Variants in SLC25A13 observed in about 807,000 individuals in gnomAD.
The protein encoded by SLC25A13 is electrogenic aspartate/glutamate antiporter SLC25A13, mitochondrial.
In SLC25A13, 70 loss-of-function variants were observed where a neutral mutation model predicts 85.5. The observed-to-expected ratio is 0.82, with a 90% CI of 0.68 to 1.00. The LOEUF is 1.00. Among genes scored for constraint, SLC25A13 ranks in the 50% least tolerant of loss-of-function variants. The pLI, the probability that SLC25A13 is intolerant of heterozygous loss-of-function variation, is 0.00. For missense variants in SLC25A13, 765 were observed against 819.8 expected, an observed-to-expected ratio of 0.93 and a Z score of 0.82; for synonymous variants, 259 against 288.7, an observed-to-expected ratio of 0.90 and a Z score of 1.04.
At chr7:96,301,016 T>C (rs1190734633) in intron 1 of SLC25A13, among the ~76,000 whole-genome samples, 1 of 152,222 alleles carries the variant, frequency 6.6e-6, no homozygotes, top group Non-Finnish European at 1.5e-5. Flanking sequence ...AAAGTTACCA[T>C]GAGATGTACC....
At chr7:96,228,395 T>C (rs892462344) in intron 4 of SLC25A13, among the ~76,000 whole-genome samples, 1 of 152,128 alleles carries the variant, frequency 6.6e-6, no homozygotes, top group Non-Finnish European at 1.5e-5. Flanking sequence ...AAATGTCATA[T>C]AACCCATTAG....
intron 14 of SLC25A13, among the ~76,000 whole-genome samples, chr7:96,142,080 T>C (rs1034808128): frequency 1.3e-5 from 2 of 152,256 alleles, no homozygotes; most frequent in African/African-American, 4.8e-5. Flanking sequence ...AAGATTCTAT[T>C]TGTGTTAAAA....
chr7:96,229,751 C>G (rs552013651), intron 4 of SLC25A13, among the ~76,000 whole-genome samples: 1 of 152,134 alleles, frequency 6.6e-6, no homozygotes, highest in Non-Finnish European at 1.5e-5. Flanking sequence ...CAGCTTCACT[C>G]CTGAAGCCAG....
intron 5 of SLC25A13, among the ~76,000 whole-genome samples, chr7:96,207,483 G>C (rs1161157728): frequency 6.6e-6 from 1 of 151,988 alleles, no homozygotes; most frequent in Admixed American, 6.6e-5. Context: ...TACCCACTAA[G>C]GACATTTCTA....
chr7:96,262,161 G>GTTA (rs1797877823), intron 3 of SLC25A13, among the ~76,000 whole-genome samples: 1 of 152,094 alleles, frequency 6.6e-6, no homozygotes, highest in Admixed American at 6.6e-5. Context: ...TTCTGACAGT[G>GTTA]GTAAAGAAGC....
chr7:96,142,761 T>TTA (rs1792618652), intron 14 of SLC25A13, among the ~76,000 whole-genome samples: 1 of 152,156 alleles, frequency 6.6e-6, no homozygotes, highest in Admixed American at 6.5e-5. Flanking sequence ...AAATATAAAT[T>TTA]ATATTTTACT....
At chr7:96,271,528 G>T (rs918231701) in intron 3 of SLC25A13, among the ~76,000 whole-genome samples, 11 of 152,172 alleles carry the variant, frequency 7.2e-5, no homozygotes, top group African/African-American at 2.4e-4. Context: ...ATTATGAGAA[G>T]AGGCAGCTCA....
chr7:96,297,723 C>A (rs553745770), intron 1 of SLC25A13, among the ~76,000 whole-genome samples: 2 of 152,298 alleles, frequency 1.3e-5, no homozygotes, highest in African/African-American at 4.8e-5. Flanking sequence ...CATGAACAGG[C>A]ATGTATACCT....
intron 1 of SLC25A13, among the ~76,000 whole-genome samples, chr7:96,317,096 G>C (rs574876498): frequency 6.6e-6 from 1 of 151,988 alleles, no homozygotes; most frequent in South Asian, 2.1e-4. Flanking sequence ...TCAGCCTCCC[G>C]AGCAGCTGAG....
intron 5 of SLC25A13, among the ~76,000 whole-genome samples, chr7:96,202,052 AAAG>A (rs1484342512): frequency 6.6e-6 from 1 of 152,138 alleles, no homozygotes; most frequent in Non-Finnish European, 1.5e-5. Flanking sequence ...GTTACACAGA[AAAG>A]AAGTAGGCTG....
intron 2 of SLC25A13, chr7:96,283,409 CT>C (rs1798760582): frequency 1.2e-5 from 5 of 405,288 alleles, no homozygotes; most frequent in South Asian, 2.1e-5. Context: ...TTCTGTAGGC[CT>C]TTTAGAAAAC....
intron 1 of SLC25A13, among the ~76,000 whole-genome samples, chr7:96,312,366 G>C (rs146597675): frequency 1.3e-5 from 2 of 152,258 alleles, no homozygotes; most frequent in East Asian, 3.9e-4. Flanking sequence ...TTGGAACAGT[G>C]TCCGGCTTTT....
chr7:96,191,426 T>A (rs1236821595), intron 6 of SLC25A13, among the ~76,000 whole-genome samples, 179 bp from the exon 7 acceptor site: 8 of 152,178 alleles, frequency 5.3e-5, no homozygotes, highest in Non-Finnish European at 5.9e-5. Flanking sequence ...TAGAAGCAAC[T>A]GCAACTAATC....
intron 13 of SLC25A13, among the ~76,000 whole-genome samples, chr7:96,154,286 CTGAG>C (rs1793165433): frequency 6.7e-6 from 1 of 149,034 alleles, no homozygotes; most frequent in South Asian, 2.1e-4. Flanking sequence ...CACAGAGTCA[CTGAG>C]TGTCTTTTTT....
At chr7:96,172,871 G>T (rs1282379901) in intron 11 of SLC25A13, among the ~76,000 whole-genome samples, 2 of 151,944 alleles carry the variant, frequency 1.3e-5, no homozygotes, top group Non-Finnish European at 2.9e-5. Flanking sequence ...CCATTCTCCT[G>T]CCTCAGCCTC....
chr7:96,189,455 CT>C lies in SLC25A13; in HGVS notation c.849-78del. 6 of 1,556,416 alleles carry C rather than the reference CT, an allele frequency of 3.9e-6. 1 individual carries two copies. The highest frequency in any genetic ancestry group is 3.5e-6 in the Non-Finnish European group (4 of 1,128,868). On this transcript the variant is annotated intron_variant, in intron 8 of 17. Transcript: ENST00000265631. ...TACATTATAAAATTTAAAAACATCC[CT>C]TTTTTCATTTCTCATATTTCAGTAT...
At chr7:96,303,101 T>A (rs774138510) in intron 1 of SLC25A13, among the ~76,000 whole-genome samples, 1 of 152,122 alleles carries the variant, frequency 6.6e-6, no homozygotes, top group South Asian at 2.1e-4. Context: ...GAAATTACCA[T>A]GTGTGGGTGG....
chr7:96,147,516 G>A (rs1449302737), intron 13 of SLC25A13, among the ~76,000 whole-genome samples: 1 of 152,148 alleles, frequency 6.6e-6, no homozygotes, highest in Non-Finnish European at 1.5e-5. Flanking sequence ...TAGCTATTTT[G>A]AAGCTAAGCC....
chr7:96,146,537 A>G lies in SLC25A13; in HGVS notation c.1452+19T>C. The G allele has an allele frequency of 9.9e-6, 3 of 302,896 alleles. No individual in the cohort carries two copies. The highest frequency in any genetic ancestry group is 5.7e-5 in the South Asian group (1 of 17,638). The allele number at this position is 302,896 out of a possible 1,614,324, so 18.8% of individuals were successfully genotyped here. Reference sequence around the variant, plus strand: ...TGAGAAAGTAATCAAATAAATGACTAAAAAAAAAAAAAAGTTACCTTGTAG... The same window carrying G: ...TGAGAAAGTAATCAAATAAATGACTGAAAAAAAAAAAAAGTTACCTTGTAG... On this transcript the variant is annotated intron_variant, in intron 14 of 17. Coordinates refer to ENST00000265631, the MANE Select transcript of SLC25A13 (RefSeq NM_014251.3).
Sources: gnomAD v4.1 joint callset for allele counts (sites outside exome capture counted in the v4.1 genomes callset) on GRCh38, gnomAD v4.1.1 for gene constraint, MANE v1.5 for transcripts, NCBI Gene and HGNC (gene_info 2026-07-23, HGNC 2026-07-21) for gene names.